Variants in LYPD1 observed in about 807,000 individuals in gnomAD.
LYPD1 encodes the protein LY6/PLAUR domain containing 1.
A neutral mutation model predicts 14.2 loss-of-function variants in LYPD1; 14 were observed. The ratio of observed to expected loss-of-function variants is 0.99; its 90% CI spans 0.65 to 1.54. LYPD1 has a LOEUF of 1.54. LYPD1 is among the 40% of genes most tolerant of loss of function. LYPD1 has a pLI of 0.00. For synonymous variants in LYPD1, 85 were observed against 70.6 expected, an observed-to-expected ratio of 1.20 and a Z score of -1.02; for missense variants, 165 against 175.7, an observed-to-expected ratio of 0.94 and a Z score of 0.34.
chr2:132,663,590 T>G lies in LYPD1; in HGVS notation c.190+4810A>C, dbSNP rs186485381. 3.8e-3 allele frequency among the ~76,000 whole-genome samples: 582 copies of G among 152,336 alleles called. 3 individuals carry two copies. Among genetic ancestry groups the G allele is most frequent in the African/African-American group, 0.013 (554 of 41,586 alleles). On this transcript the variant is annotated intron_variant, in intron 2 of 2. Coordinates refer to ENST00000397463, the MANE Select transcript of LYPD1 (RefSeq NM_144586.7). ...CGTGCCCAGCTTCATTTTAAAGTTT[T>G]TTAAGCTGTTGAAGTCTCCTTTGCC...
At chr2:132,661,848 A>C (rs1468154113) in intron 2 of LYPD1, among the ~76,000 whole-genome samples, 1 of 152,124 alleles carries the variant, frequency 6.6e-6, no homozygotes, top group Non-Finnish European at 1.5e-5. Flanking sequence ...AAAACCACAT[A>C]ATTGCATACT....
rs541290730 is a variant in LYPD1 at position 132,663,267 on chromosome 2, G to C, written c.190+5133C>G. ...TTTTGATATCCAAATATGTTTTAAA[G>C]GTTTTTTTGTTTCGTTTTGTTTTTG... On this transcript the variant is annotated intron_variant, in intron 2 of 2. Transcript: ENST00000397463. Among the ~76,000 whole-genome samples, 9 of 152,204 alleles carry C rather than the reference G, an allele frequency of 5.9e-5. No homozygotes were observed. The East Asian group carries it at 1.4e-3, about 23-fold the overall frequency.
rs543449447 is a variant in LYPD1, at chr2:132,669,722, C to G, written c.52+159G>C. On this transcript the variant is annotated intron_variant, in intron 1 of 2. Coordinates refer to ENST00000397463, the MANE Select transcript of LYPD1 (RefSeq NM_144586.7). This position sits in a 1 kb window ranked among gnomAD's most constrained non-coding sequence, Gnocchi z 4.3. ...GCAGCGCGGGACTTGGACACTTTCC[C>G]AGCCTCGCGCCCCGGGGCACCAGTC... The G allele has an allele frequency of 6.7e-5, 95 of 1,413,812 alleles. No individual in the cohort carries two copies. The South Asian group carries it at 1.2e-3, about 18-fold the overall frequency. The allele number at this position is 1,413,812 out of a possible 1,614,324, so 87.6% of individuals were successfully genotyped here.
intron 2 of LYPD1, among the ~76,000 whole-genome samples, chr2:132,661,142 C>G (rs1188615686): frequency 6.6e-6 from 1 of 152,058 alleles, no homozygotes; most frequent in Admixed American, 6.6e-5. Context: ...AAGAGTGAGG[C>G]CAGATGTGGA....
Position 132,669,858 on chromosome 2 carries a change from T to G in LYPD1, c.52+23A>C. The G allele has an allele frequency of 6.2e-7, 1 of 1,611,822 alleles. No individual in the cohort carries two copies. Among genetic ancestry groups the G allele is most frequent in the Admixed American group, 1.7e-5 (1 of 59,926 alleles). On this transcript the variant is annotated intron_variant, in intron 1 of 2. Transcript: ENST00000397463. This position sits in a 1 kb window ranked among gnomAD's most constrained non-coding sequence, Gnocchi z 4.3. ...TGGATTGTGCGCACCTGGCCTCGGC[T>G]GCTGGCCTCTGGGTATTCTCACCTG...
intron 2 of LYPD1, among the ~76,000 whole-genome samples, chr2:132,662,563 T>TAGGA (rs888288970): frequency 3.4e-5 from 4 of 119,114 alleles, no homozygotes; most frequent in East Asian, 2.4e-4. Flanking sequence ...GTTGGTCAAT[T>TAGGA]AGGAAGGAAG....
At chr2:132,650,463 G>A (rs1682313868) in intron 2 of LYPD1, among the ~76,000 whole-genome samples, 1 of 152,126 alleles carries the variant, frequency 6.6e-6, no homozygotes, top group Non-Finnish European at 1.5e-5. Context: ...TTTTACGCAT[G>A]TACCCTACAG....
At chr2:132,668,255 C>G (rs1573762393) in intron 2 of LYPD1, 145 bp downstream of exon 2, 1 of 1,066,164 alleles carries the variant, frequency 9.4e-7, no homozygotes, top group East Asian at 2.8e-5. Flanking sequence ...TCTTCATTTT[C>G]CCAGCACTGT....
intron 2 of LYPD1, among the ~76,000 whole-genome samples, chr2:132,656,152 G>A (rs554907745): frequency 4.3e-4 from 66 of 152,290 alleles, no homozygotes; most frequent in Admixed American, 3.7e-3. Flanking sequence ...GGACCATTAT[G>A]CATCTATCTT....
intron 2 of LYPD1, 66 bp from the exon 3 acceptor site, chr2:132,646,346 C>T: frequency 8.7e-7 from 1 of 1,154,032 alleles, no homozygotes; most frequent in Non-Finnish European, 1.2e-6. Context: ...TCCCTCTCAG[C>T]CCAAATCCAA....
At chr2:132,650,714 TTAAAAAAAA>T (rs1167030407) in intron 2 of LYPD1, among the ~76,000 whole-genome samples, 1 of 99,952 alleles carries the variant, frequency 1.0e-5, no homozygotes, top group East Asian at 2.2e-4. Flanking sequence ...CCTCCTTCCT[TTAAAAAAAA>T]AAAACAAAAA....
intron 2 of LYPD1, among the ~76,000 whole-genome samples, chr2:132,655,016 G>T (rs1016956448): frequency 2.0e-5 from 3 of 152,140 alleles, no homozygotes; most frequent in Admixed American, 2.0e-4. Flanking sequence ...ACAAGCATGA[G>T]CCACGGAGCC....
chr2:132,666,317 C>T (rs556328731), intron 2 of LYPD1, among the ~76,000 whole-genome samples: 4 of 152,188 alleles, frequency 2.6e-5, no homozygotes, highest in Admixed American at 2.0e-4. Flanking sequence ...GGACATTGCT[C>T]TTTTGATGCA....
At chr2:132,660,129 A>G (rs1452868255) in intron 2 of LYPD1, among the ~76,000 whole-genome samples, 1 of 152,264 alleles carries the variant, frequency 6.6e-6, no homozygotes, top group Non-Finnish European at 1.5e-5. Context: ...AAGAAGTCCA[A>G]GAAATAGAAA....
At chr2:132,649,608 G>C (rs1558875471) in intron 2 of LYPD1, among the ~76,000 whole-genome samples, 2 of 152,142 alleles carry the variant, frequency 1.3e-5, no homozygotes, top group African/African-American at 4.8e-5. Flanking sequence ...CTGAGGTTTA[G>C]GCACGAATGG....
At chr2:132,661,218 G>T (rs1171055339) in intron 2 of LYPD1, among the ~76,000 whole-genome samples, 1 of 152,158 alleles carries the variant, frequency 6.6e-6, no homozygotes, top group African/African-American at 2.4e-5. Context: ...GAGGATTCCT[G>T]TGTTTAAAAG....
intron 2 of LYPD1, among the ~76,000 whole-genome samples, chr2:132,649,417 C>T (rs1682267970): frequency 6.6e-6 from 1 of 152,116 alleles, no homozygotes; most frequent in South Asian, 2.1e-4. Context: ...TCTCCCATGG[C>T]TTCAGATAAA....
chr2:132,662,218 G>C (rs1056996023), intron 2 of LYPD1, among the ~76,000 whole-genome samples: 4 of 152,150 alleles, frequency 2.6e-5, no homozygotes, highest in African/African-American at 9.7e-5. Flanking sequence ...ATAGTGAATG[G>C]GGCAACTCCT....
chr2:132,653,384 G>A (rs922714272), intron 2 of LYPD1, among the ~76,000 whole-genome samples: 5 of 152,166 alleles, frequency 3.3e-5, no homozygotes, highest in African/African-American at 1.2e-4. Flanking sequence ...AATAATGATA[G>A]TATTGGATTA....
Sources: gnomAD v4.1 joint callset for allele counts (sites outside exome capture counted in the v4.1 genomes callset) on GRCh38, gnomAD v4.1.1 for gene constraint, Gnocchi (gnomAD v3.1) non-coding constraint, MANE v1.5 for transcripts, NCBI Gene and HGNC (gene_info 2026-07-23, HGNC 2026-07-21) for gene names.